Variants in SYNJ2BP observed in about 807,000 individuals in gnomAD.
SYNJ2BP encodes the protein synaptojanin 2 binding protein, also known as synaptojanin-2-binding protein.
In SYNJ2BP, 10 loss-of-function variants were observed where a neutral mutation model predicts 16.9. The ratio of observed to expected loss-of-function variants is 0.59; its 90% CI spans 0.36 to 1.00. SYNJ2BP has a LOEUF of 1.00. Ranked by LOEUF, SYNJ2BP falls within the 50% of genes least tolerant of loss-of-function variation. SYNJ2BP has a pLI of 0.01. For missense variants in SYNJ2BP, 162 were observed against 186.7 expected (o/e 0.87, Z 0.77); for synonymous variants, 54 against 68.4 (o/e 0.79, Z 1.04).
rs1304980717 is a variant in SYNJ2BP at position 70,371,312 on chromosome 14, T to C, written c.*1679A>G. 3 of 152,280 alleles carry C rather than the reference T, an allele frequency of 2.0e-5. No homozygotes were observed. The highest frequency in any genetic ancestry group is 1.3e-4 in the Admixed American group (2 of 15,286). 9.4% of individuals were successfully genotyped at this position (152,280 alleles called of 1,614,324 possible). A position where few individuals can be genotyped will look rare whatever the true frequency, so the allele number is the denominator to read the frequency against. On this transcript the variant is annotated 3_prime_UTR_variant, in exon 4 of 4. Coordinates refer to ENST00000256366, the MANE Select transcript of SYNJ2BP (RefSeq NM_018373.3). ...GCATGAAACACCTACCACATTTCCC[T>C]ACCTCCTAAAGCAAACAAAACTCTT...
intron 2 of SYNJ2BP, among the ~76,000 whole-genome samples, chr14:70,386,099 A>G (rs1385872802): frequency 3.9e-5 from 6 of 152,176 alleles, no homozygotes; most frequent in Admixed American, 1.3e-4. Flanking sequence ...TCATCCACAG[A>G]GCCCAGGTTC....
At chr14:70,402,507 C>T (rs1168633665) in intron 1 of SYNJ2BP, among the ~76,000 whole-genome samples, 1 of 151,970 alleles carries the variant, frequency 6.6e-6, no homozygotes, top group African/African-American at 2.4e-5. Context: ...CACTGCCCTG[C>T]AAATCTGCCT....
chr14:70,391,115 A>AC (rs1345276753), intron 1 of SYNJ2BP, among the ~76,000 whole-genome samples: 1 of 152,078 alleles, frequency 6.6e-6, no homozygotes, highest in Non-Finnish European at 1.5e-5. Context: ...ACAGAGTGAG[A>AC]CCCCCATCTC....
chr14:70,371,612 T>A lies in SYNJ2BP; in HGVS notation c.*1379A>T, dbSNP rs1377070165. ...TTTTGTATTTTCAGTAGACATGGGG[T>A]TTCACCATGTTGGCCAGGCTGGTCT... On this transcript the variant is annotated 3_prime_UTR_variant, in exon 4 of 4. Coordinates refer to ENST00000256366, the MANE Select transcript of SYNJ2BP (RefSeq NM_018373.3). 4 of 152,180 alleles carry A rather than the reference T, an allele frequency of 2.6e-5. No homozygotes were observed. The highest frequency in any genetic ancestry group is 7.2e-5 in the African/African-American group (3 of 41,408). 9.4% of individuals were successfully genotyped at this position (152,180 alleles called of 1,614,324 possible). A position where few individuals can be genotyped will look rare whatever the true frequency, so the allele number is the denominator to read the frequency against.
intron 1 of SYNJ2BP, among the ~76,000 whole-genome samples, chr14:70,401,731 C>T (rs1010064088): frequency 6.6e-6 from 1 of 152,034 alleles, no homozygotes. Context: ...CAGCCTCAAT[C>T]GCCCAGGCTC....
At chr14:70,416,317 C>A (rs965241971) in intron 1 of SYNJ2BP, among the ~76,000 whole-genome samples, 1 of 140,846 alleles carries the variant, frequency 7.1e-6, no homozygotes, top group Admixed American at 7.1e-5. Context: ...TTTTTATTTT[C>A]TTTTTTTTTT....
rs535428415 is a variant in SYNJ2BP at position 70,414,711 on chromosome 14, C to T, written c.64+2189G>A. 2.0e-4 allele frequency among the ~76,000 whole-genome samples: 31 copies of T among 151,942 alleles called. No homozygotes were observed. The South Asian group carries it at 6.4e-3, about 32-fold the overall frequency. ...ACATCTCAAGAGGTAGTAAAATAACCGAAGATATTTAGGATAAAGAAGAAA... is the reference window on the plus strand; with the variant it reads ...ACATCTCAAGAGGTAGTAAAATAACTGAAGATATTTAGGATAAAGAAGAAA... On this transcript the variant is annotated intron_variant, in intron 1 of 3. Coordinates refer to ENST00000256366, the MANE Select transcript of SYNJ2BP (RefSeq NM_018373.3).
intron 2 of SYNJ2BP, among the ~76,000 whole-genome samples, chr14:70,385,242 TA>T (rs1235677994): frequency 6.6e-6 from 1 of 152,220 alleles, no homozygotes; most frequent in Non-Finnish European, 1.5e-5. Flanking sequence ...ATGGTCCACA[TA>T]AGGTTCTCAA....
intron 1 of SYNJ2BP, among the ~76,000 whole-genome samples, chr14:70,397,279 C>T (rs992319306): frequency 8.3e-4 from 120 of 144,744 alleles, no homozygotes; most frequent in African/African-American, 2.4e-3. Flanking sequence ...TATATATATA[C>T]GCCTGTTAGG....
At chr14:70,403,416 A>G (rs763227102) in intron 1 of SYNJ2BP, among the ~76,000 whole-genome samples, 7 of 152,204 alleles carry the variant, frequency 4.6e-5, no homozygotes, top group Non-Finnish European at 1.0e-4. Context: ...CTGCATTCCC[A>G]GTAAGTTAAG....
At chr14:70,376,876 C>T (rs1017955049) in intron 2 of SYNJ2BP, among the ~76,000 whole-genome samples, 6 of 152,164 alleles carry the variant, frequency 3.9e-5, no homozygotes, top group African/African-American at 1.4e-4. Flanking sequence ...GCTCAAGTCA[C>T]TCCCTTACTC....
intron 1 of SYNJ2BP, among the ~76,000 whole-genome samples, chr14:70,406,596 C>T (rs1023641243): frequency 2.6e-5 from 4 of 152,312 alleles, no homozygotes; most frequent in East Asian, 1.9e-4. Context: ...GGGATAACAT[C>T]GCGATTGTAA....
At chr14:70,380,661 CAA>C (rs11453577) in intron 2 of SYNJ2BP, among the ~76,000 whole-genome samples, 1 of 140,996 alleles carries the variant, frequency 7.1e-6, no homozygotes. Flanking sequence ...GACTCTGTCT[CAA>C]AAAAAAAAAA....
chr14:70,396,574 G>GTGTA (rs1467371253), intron 1 of SYNJ2BP, among the ~76,000 whole-genome samples: 3 of 86,650 alleles, frequency 3.5e-5, no homozygotes, highest in Non-Finnish European at 7.0e-5. Flanking sequence ...AATGATATGT[G>GTGTA]TGTATGTATG....
chr14:70,387,398 T>C (rs547582420), intron 2 of SYNJ2BP, among the ~76,000 whole-genome samples: 1 of 152,360 alleles, frequency 6.6e-6, no homozygotes, highest in South Asian at 2.1e-4. Flanking sequence ...GTTTTGACTG[T>C]ATGCTTGTTC....
At chr14:70,388,821 G>A (rs1887917501) in intron 1 of SYNJ2BP, among the ~76,000 whole-genome samples, 1 of 151,930 alleles carries the variant, frequency 6.6e-6, no homozygotes, top group South Asian at 2.1e-4. Context: ...AGGCACGACT[G>A]AAAATATAAA....
intron 1 of SYNJ2BP, among the ~76,000 whole-genome samples, chr14:70,404,592 A>T (rs1321754274): frequency 6.6e-6 from 1 of 152,214 alleles, no homozygotes; most frequent in Admixed American, 6.5e-5. Flanking sequence ...TTCTATCTAC[A>T]AATACTGGTA....
intron 1 of SYNJ2BP, among the ~76,000 whole-genome samples, chr14:70,398,387 G>A (rs1888153778): frequency 6.6e-6 from 1 of 152,206 alleles, no homozygotes; most frequent in Non-Finnish European, 1.5e-5. Flanking sequence ...CGACCAGCCT[G>A]TTTGTGCCAA....
chr14:70,374,365 T>A (rs1316974585), intron 3 of SYNJ2BP, among the ~76,000 whole-genome samples: 1 of 152,236 alleles, frequency 6.6e-6, no homozygotes, highest in Non-Finnish European at 1.5e-5. Context: ...CAGGTATCTT[T>A]CACGTTCTGC....
Sources: allele counts gnomAD v4.1 joint callset (sites outside exome capture counted in the v4.1 genomes callset), GRCh38; gene constraint gnomAD v4.1.1; transcripts MANE v1.5; gene names NCBI Gene and HGNC (gene_info 2026-07-23, HGNC 2026-07-21).